The following PARVB variants were observed in gnomAD, a reference collection of about 807,000 sequenced individuals.
The protein encoded by PARVB is parvin beta.
Under a neutral mutation model 47.0 loss-of-function variants are expected in PARVB, and 46 were observed. The ratio of observed to expected loss-of-function variants is 0.98; its 90% CI spans 0.77 to 1.25. PARVB has a LOEUF of 1.25. Ranked by LOEUF, PARVB falls within the 50% of genes most tolerant of loss-of-function variation. The probability of loss-of-function intolerance (pLI) is 0.00; values close to 1 mark genes in which losing one functional copy is unlikely to be tolerated. For synonymous variants in PARVB, 196 were observed against 196.3 expected, an observed-to-expected ratio of 1.00 and a Z score of 0.01; for missense variants, 473 against 471.6, an observed-to-expected ratio of 1.00 and a Z score of -0.03.
intron 1 of PARVB, among the ~76,000 whole-genome samples, chr22:44,054,784 TC>T (rs35729290): frequency 0.66 from 99,835 of 151,222 alleles, 33,124 homozygotes; most frequent in East Asian, 0.87. Context: ...AGGTCAGGAG[TC>T]TTGAGACCAG....
At chr22:44,148,030 A>C in intron 9 of PARVB, 108 bp downstream of exon 9, 1 of 865,478 alleles carries the variant, frequency 1.2e-6, no homozygotes, top group East Asian at 2.6e-5. Flanking sequence ...AATCTCAGAA[A>C]TGTTTGCCAC....
At chr22:44,099,353 C>T (rs1050711423) in intron 2 of PARVB, among the ~76,000 whole-genome samples, 3 of 152,152 alleles carry the variant, frequency 2.0e-5, no homozygotes, top group African/African-American at 4.8e-5. Flanking sequence ...GTGGGTGCCC[C>T]CTCCGCAGTC....
chr22:44,045,610 G>A (rs942463828), intron 1 of PARVB, among the ~76,000 whole-genome samples: 4 of 152,162 alleles, frequency 2.6e-5, no homozygotes, highest in African/African-American at 4.8e-5. Flanking sequence ...TTGAGAGACT[G>A]GCCCTGCCCA....
chr22:44,055,580 G>T (rs571966070), intron 1 of PARVB, among the ~76,000 whole-genome samples: 5 of 151,988 alleles, frequency 3.3e-5, no homozygotes, highest in African/African-American at 1.2e-4. Context: ...TGATCCGCCC[G>T]CCTCGGCCTC....
At chr22:44,073,258 G>C (rs1442868264) in intron 1 of PARVB, among the ~76,000 whole-genome samples, 1 of 152,218 alleles carries the variant, frequency 6.6e-6, no homozygotes, top group Admixed American at 6.5e-5. Context: ...GGGAGGCTGA[G>C]GCGGGCGGAT....
chr22:44,136,638 C>T, intron 7 of PARVB, 120 bp downstream of exon 7: 1 of 776,692 alleles, frequency 1.3e-6, no homozygotes. Flanking sequence ...CACACCCCTT[C>T]TCTGTAGCAT....
intron 1 of PARVB, among the ~76,000 whole-genome samples, chr22:44,054,123 T>C (rs1490615617): frequency 6.6e-6 from 1 of 151,848 alleles, no homozygotes; most frequent in East Asian, 1.9e-4. Flanking sequence ...CTCTCTGGAG[T>C]GAGGGTCTCA....
chr22:44,059,348 G>A (rs1185432406), intron 1 of PARVB, among the ~76,000 whole-genome samples: 4 of 152,026 alleles, frequency 2.6e-5, no homozygotes, highest in African/African-American at 7.2e-5. Flanking sequence ...GCCCAGCCCC[G>A]TGGCTAGTTA....
At position 44,158,756 on chromosome 22, in the gene PARVB, TCA is replaced by T. The variant is rs1434648983; in HGVS notation, c.945+676_945+677del. On this transcript the variant is annotated intron_variant, in intron 11 of 12. Transcript: ENST00000338758. The stretch of plus-strand genomic sequence containing the variant: ...CCAGGGCTTCCCGCAGCCAAGCCTC[TCA>T]CAGCAGTATTTAGCACATTGCCTTT... 2.0e-5 allele frequency among the ~76,000 whole-genome samples: 3 copies of T among 152,238 alleles called. No homozygotes were observed. In the East Asian group the frequency reaches 5.8e-4, roughly 29 times the overall value.
At position 44,101,220 on chromosome 22, in the gene PARVB, T is replaced by C. The variant is rs2052436219; in HGVS notation, c.273+1097T>C. Among the ~76,000 whole-genome samples the C allele has an allele frequency of 4.6e-5, 7 of 150,720 alleles. No individual in the cohort carries two copies. The South Asian group carries it at 1.5e-3, about 32-fold the overall frequency. ...GTCAGGAGATCGAGACCATCCTGGC[T>C]AACACGGTGAAACCCCGTCTCTACT... On this transcript the variant is annotated intron_variant, in intron 3 of 12. Transcript: ENST00000338758.
chr22:44,088,629 G>C (rs140312533), intron 1 of PARVB, among the ~76,000 whole-genome samples: 1 of 152,042 alleles, frequency 6.6e-6, no homozygotes, highest in Non-Finnish European at 1.5e-5. Flanking sequence ...CCACTGCCAC[G>C]CCTGACTAAT....
At chr22:44,166,260 C>T (rs1251010679) in intron 12 of PARVB, among the ~76,000 whole-genome samples, 1 of 152,250 alleles carries the variant, frequency 6.6e-6, no homozygotes, top group Admixed American at 6.5e-5. Flanking sequence ...CAGGCACCCG[C>T]CACCATGCCT....
intron 12 of PARVB, among the ~76,000 whole-genome samples, chr22:44,166,518 C>T (rs1484746621): frequency 2.0e-5 from 3 of 152,236 alleles, no homozygotes; most frequent in Non-Finnish European, 4.4e-5. Context: ...GGATGTGTTT[C>T]CTACTCATCT....
intron 8 of PARVB, chr22:44,140,473 G>A (rs768913926): frequency 1.5e-6 from 1 of 648,014 alleles, no homozygotes; most frequent in South Asian, 1.4e-5. Flanking sequence ...GTAAAAGGGA[G>A]GGAGGAGAGG....
At chr22:44,006,624 G>A (rs1252431201) in intron 2 of PARVB, among the ~76,000 whole-genome samples, 1 of 151,984 alleles carries the variant, frequency 6.6e-6, no homozygotes, top group Admixed American at 6.6e-5. Flanking sequence ...ACTACATCTC[G>A]GAAAAGAAAA....
At chr22:44,137,454 C>T (rs2053462148) in intron 7 of PARVB, among the ~76,000 whole-genome samples, 2 of 152,176 alleles carry the variant, frequency 1.3e-5, no homozygotes, top group Admixed American at 6.5e-5. Flanking sequence ...AAGGGCTGCT[C>T]GTGGGGAACT....
intron 7 of PARVB, 105 bp downstream of exon 7, chr22:44,136,623 C>G: frequency 2.4e-6 from 2 of 848,548 alleles, no homozygotes; most frequent in Non-Finnish European, 4.1e-6. Flanking sequence ...GGGCTGCTCC[C>G]GCTCCACACC....
intron 2 of PARVB, among the ~76,000 whole-genome samples, chr22:44,096,924 G>C (rs147826783): frequency 2.6e-5 from 4 of 152,210 alleles, no homozygotes; most frequent in African/African-American, 7.2e-5. Context: ...GGCCCACCTA[G>C]CCTGTGTGGA....
chr22:44,064,978 G>C (rs1013605953), intron 1 of PARVB, among the ~76,000 whole-genome samples: 2 of 152,206 alleles, frequency 1.3e-5, no homozygotes, highest in Non-Finnish European at 2.9e-5. Context: ...GAAACCAAGA[G>C]GAAATGTACA....
Sources: allele counts gnomAD v4.1 joint callset (sites outside exome capture counted in the v4.1 genomes callset), GRCh38; gene constraint gnomAD v4.1.1; transcripts MANE v1.5; gene names NCBI Gene and HGNC (gene_info 2026-07-23, HGNC 2026-07-21).